NFAT5: variants seen among roughly 807,000 people sequenced by gnomAD.
NFAT5 encodes the protein nuclear factor of activated T-cells 5.
In NFAT5, 31 loss-of-function variants were observed where a neutral mutation model predicts 166.5. That is an observed-to-expected ratio of 0.19 (90% confidence interval 0.14 to 0.25). NFAT5 has a LOEUF of 0.25. NFAT5 is among the 10% of genes least tolerant of loss of function. The pLI, the probability that NFAT5 is intolerant of heterozygous loss-of-function variation, is 1.00. For missense variants in NFAT5, 1,449 were observed against 1,821.8 expected (o/e 0.80, Z 3.72); for synonymous variants, 612 against 639.7 (o/e 0.96, Z 0.65).
chr16:69,609,819 G>GAAAAAAAAAA (rs1157655325), intron 2 of NFAT5, among the ~76,000 whole-genome samples: 2 of 75,322 alleles, frequency 2.7e-5, no homozygotes, highest in East Asian at 3.8e-4. Context: ...TGTCTCTACT[G>GAAAAAAAAAA]AAAAAAAAAA....
At chr16:69,616,544 G>T (rs937533931) in intron 2 of NFAT5, among the ~76,000 whole-genome samples, 2 of 151,840 alleles carry the variant, frequency 1.3e-5, no homozygotes, top group Admixed American at 1.3e-4. Flanking sequence ...TTCTGTTTGG[G>T]TTCCCACCTC....
intron 7 of NFAT5, among the ~76,000 whole-genome samples, chr16:69,661,516 C>T (rs2036138144): frequency 8.4e-6 from 1 of 118,442 alleles, no homozygotes; most frequent in African/African-American, 3.3e-5. Context: ...TGCACTCCAG[C>T]CTGTATAAGA....
chr16:69,637,948 C>T (rs756712112), intron 3 of NFAT5, among the ~76,000 whole-genome samples: 21 of 151,944 alleles, frequency 1.4e-4, no homozygotes, highest in Non-Finnish European at 2.4e-4. Flanking sequence ...AGGCTGGGCA[C>T]GGTGGCTCAC....
At chr16:69,679,029 G>T (rs2036946704) in intron 10 of NFAT5, among the ~76,000 whole-genome samples, 2 of 152,030 alleles carry the variant, frequency 1.3e-5, no homozygotes, top group South Asian at 4.2e-4. Context: ...TGCCTCCCAG[G>T]TTCAAGCGAT....
chr16:69,615,214 G>GT (rs893788290), intron 2 of NFAT5, among the ~76,000 whole-genome samples: 2 of 151,946 alleles, frequency 1.3e-5, no homozygotes, highest in African/African-American at 4.8e-5. Context: ...GCTAATTTTT[G>GT]TATTTTACTA....
chr16:69,682,735 CATGCATAAAT>C (rs1400004924), intron 10 of NFAT5, among the ~76,000 whole-genome samples: 1 of 151,942 alleles, frequency 6.6e-6, no homozygotes, highest in Admixed American at 6.6e-5. Flanking sequence ...GAATTAATGT[CATGCATAAAT>C]ATGTGTGTTT....
chr16:69,655,091 G>T (rs1285251247), intron 5 of NFAT5, among the ~76,000 whole-genome samples: 2 of 152,094 alleles, frequency 1.3e-5, no homozygotes, highest in East Asian at 3.8e-4. Context: ...TTTGTCTCAG[G>T]ATTTAATGAT....
intron 10 of NFAT5, among the ~76,000 whole-genome samples, chr16:69,677,770 A>G (rs918326003): frequency 2.6e-5 from 4 of 152,318 alleles, no homozygotes; most frequent in Admixed American, 6.5e-5. Flanking sequence ...AAAAAATCCC[A>G]AAGACTGATG....
At chr16:69,625,918 T>G (rs1219978664) in intron 2 of NFAT5, among the ~76,000 whole-genome samples, 3 of 151,568 alleles carry the variant, frequency 2.0e-5, no homozygotes, top group Non-Finnish European at 1.5e-5. Flanking sequence ...GAAATTCATT[T>G]TTCAGTTCAA....
chr16:69,642,149 C>A (rs975547272), intron 3 of NFAT5, among the ~76,000 whole-genome samples: 7 of 152,064 alleles, frequency 4.6e-5, no homozygotes, highest in African/African-American at 1.7e-4. Context: ...CCTGTTTCAT[C>A]TTTTATTAAA....
intron 2 of NFAT5, among the ~76,000 whole-genome samples, chr16:69,616,776 CT>C (rs555662256): frequency 8.6e-5 from 13 of 151,556 alleles, no homozygotes; most frequent in Non-Finnish European, 1.8e-4. Flanking sequence ...TCTCTTGCCC[CT>C]CTCATCCACT....
chr16:69,635,782 C>T (rs2034940062), intron 3 of NFAT5, among the ~76,000 whole-genome samples: 1 of 152,158 alleles, frequency 6.6e-6, no homozygotes, highest in African/African-American at 2.4e-5. Flanking sequence ...ATTCACAACA[C>T]ATGGGAATTC....
intron 4 of NFAT5, among the ~76,000 whole-genome samples, chr16:69,650,445 G>A (rs932852487): frequency 6.6e-6 from 1 of 151,986 alleles, no homozygotes; most frequent in Non-Finnish European, 1.5e-5. Flanking sequence ...AACTTCTAAA[G>A]TACCATTTTA....
intron 6 of NFAT5, 67 bp downstream of exon 6, chr16:69,655,866 C>A: frequency 8.4e-7 from 1 of 1,191,794 alleles, no homozygotes; most frequent in South Asian, 1.9e-5. Context: ...TGTTCAGTTT[C>A]TAATGTATAG....
chr16:69,692,993 C>T lies in NFAT5; in HGVS notation c.3168C>T (p.Thr1056=), dbSNP rs765205571. Residue 1056 remains threonine (T), a synonymous_variant, in exon 13 of 15, where the codon ACC becomes ACT. Transcript: ENST00000349945. ...TGATGAGTGTTCAGAATAGTGGTACCCAACAACAAGGTAATGGTTTATTCC... is the reference window on the plus strand; with the variant it reads ...TGATGAGTGTTCAGAATAGTGGTACTCAACAACAAGGTAATGGTTTATTCC... ...KSMMSVQNSG[T]QQQGNGLFQQ... is the part of the protein sequence containing the mutation. 1 of 1,613,902 alleles carries T rather than the reference C, an allele frequency of 6.2e-7. No homozygotes were observed. Among genetic ancestry groups the T allele is most frequent in the African/African-American group, 1.3e-5 (1 of 74,882 alleles).
At chr16:69,631,718 C>T (rs186736573) in intron 3 of NFAT5, among the ~76,000 whole-genome samples, 2,735 of 151,992 alleles carry the variant, frequency 0.018, 32 homozygotes, top group Non-Finnish European at 0.025. Flanking sequence ...CTCCACCTCC[C>T]GGGTTCCAGC....
In NFAT5 at chr16:69,626,446, A is replaced by G. The variant is rs1486788221; in HGVS notation, c.171A>G (p.Pro57=). ...TCCCAAAGGAGTTACAGTTACCTCCATCTAGAGAAACATCTGTAGCATCAA... is the reference window on the plus strand; with the variant it reads ...TCCCAAAGGAGTTACAGTTACCTCCGTCTAGAGAAACATCTGTAGCATCAA... ...DLLPKELQLP[P]SRETSVASMS... is the part of the protein sequence containing the mutation. Residue 57 remains proline (P), a synonymous_variant, in exon 3 of 15, where the codon CCA becomes CCG. Transcript: ENST00000349945. 8 of 1,594,666 alleles carry G rather than the reference A, an allele frequency of 5.0e-6. No homozygotes were observed. The highest frequency in any genetic ancestry group is 6.8e-6 in the Non-Finnish European group (8 of 1,171,006).
At chr16:69,618,985 A>T (rs1001972223) in intron 2 of NFAT5, among the ~76,000 whole-genome samples, 1 of 152,204 alleles carries the variant, frequency 6.6e-6, no homozygotes, top group Non-Finnish European at 1.5e-5. Context: ...AAACAGAAAC[A>T]TCTTATTTAC....
rs1178244010 is a variant in NFAT5 at position 69,702,999 on chromosome 16, A to G, written c.*6648A>G. 6 of 152,636 alleles carry G rather than the reference A, an allele frequency of 3.9e-5. No homozygotes were observed. Among genetic ancestry groups the G allele is most frequent in the Admixed American group, 3.9e-4 (6 of 15,276 alleles). 9.5% of individuals were successfully genotyped at this position (152,636 alleles called of 1,614,324 possible). A position where few individuals can be genotyped will look rare whatever the true frequency, so the allele number is the denominator to read the frequency against. ...TATATAGGTGCAATGTTCTATGTTT[A>G]TTTTAATTGTTATGACATTTAAGTA... is the stretch of plus-strand genomic sequence containing the variant. On this transcript the variant is annotated 3_prime_UTR_variant, in exon 15 of 15. Transcript: ENST00000349945.
Sources: gnomAD v4.1 joint callset for allele counts (sites outside exome capture counted in the v4.1 genomes callset) on GRCh38, gnomAD v4.1.1 for gene constraint, MANE v1.5 for transcripts, NCBI Gene and HGNC (gene_info 2026-07-23, HGNC 2026-07-21) for gene names.